CLSPN: variants seen among roughly 807,000 people sequenced by gnomAD.
CLSPN encodes claspin homolog.
In CLSPN, 85 loss-of-function variants were observed where a neutral mutation model predicts 156.3. The ratio of observed to expected loss-of-function variants is 0.54; its 90% CI spans 0.46 to 0.65. The LOEUF (loss-of-function observed/expected upper bound fraction) is 0.65. Among genes scored for constraint, CLSPN ranks in the 30% least tolerant of loss-of-function variants. The pLI is 0.00. For missense variants in CLSPN, 1,407 were observed against 1,554.9 expected, an observed-to-expected ratio of 0.90 and a Z score of 1.60; for synonymous variants, 534 against 542.4, an observed-to-expected ratio of 0.98 and a Z score of 0.22.
Position 35,736,981 on chromosome 1 carries a change from C to T in CLSPN, c.3842G>A (p.Arg1281Lys). Reference sequence around the variant, plus strand: ...AGAAAGTGTATGAAAGACAAAGTTTCTTGAATTTCGAGGAGCACTGGGGTT... The same window carrying T: ...AGAAAGTGTATGAAAGACAAAGTTTTTTGAATTTCGAGGAGCACTGGGGTT... ...DHNPSAPRNS[R>K]NFVFHTLSPV... Residue 1281 changes from arginine to lysine, a missense_variant, in exon 24 of 25, where the codon AGA (arginine) becomes AAA (lysine). Arg to Lys is a conservative substitution (Grantham distance 26). This residue lies in a region of CLSPN where 241 missense variants were observed against 240.5 expected (regional missense o/e 1.00). Coordinates refer to ENST00000318121, the MANE Select transcript of CLSPN (RefSeq NM_022111.4). 1 of 1,614,114 alleles carries T rather than the reference C, an allele frequency of 6.2e-7. No homozygotes were observed. The highest frequency in any genetic ancestry group is 8.5e-7 in the Non-Finnish European group (1 of 1,180,000).
chr1:35,748,736 A>G (rs1641980091), intron 12 of CLSPN, 132 bp from the exon 13 acceptor site: 1 of 702,062 alleles, frequency 1.4e-6, no homozygotes, highest in African/African-American at 1.8e-5. Flanking sequence ...GTTCCAAAAC[A>G]TTAAGTTAAA....
At chr1:35,724,406 G>C (rs546872214) in intron 24 of CLSPN, among the ~76,000 whole-genome samples, 46 of 152,350 alleles carry the variant, frequency 3.0e-4, no homozygotes, top group Admixed American at 2.6e-3. Flanking sequence ...GAGGCTAGAA[G>C]ATAAAGTTGG....
chr1:35,762,352 A>T, intron 5 of CLSPN, 52 bp downstream of exon 5: 1 of 1,380,118 alleles, frequency 7.2e-7, no homozygotes, highest in Non-Finnish European at 1.0e-6. Context: ...AGAAATCTAT[A>T]ATCTCCTGTG....
chr1:35,728,141 T>C (rs930745292), downstream of CLSPN, among the ~76,000 whole-genome samples: 1 of 147,480 alleles, frequency 6.8e-6, no homozygotes, highest in South Asian at 2.2e-4. Flanking sequence ...TGGAATGCAA[T>C]GCTGCAGTTT....
Position 35,760,885 on chromosome 1 carries a change from C to A in CLSPN, c.1036G>T (p.Glu346Ter). 2 of 1,612,358 alleles carry A rather than the reference C, an allele frequency of 1.2e-6. No homozygotes were observed. The highest frequency in any genetic ancestry group is 1.1e-5 in the South Asian group (1 of 90,904). ...GTAGTATTTGCAGTGTCTATGATTT[C>A]TTTGTGATGGCTTGACTGATATTTA... ...SSKYQSSHHK[E>*]IIDTANTTEM... Residue 346 changes from glutamate to a stop codon, truncating the protein, a stop_gained, in exon 8 of 25, where the codon GAA becomes TAA. Transcript: ENST00000318121. LOFTEE classifies it high-confidence loss of function.
Position 35,763,251 on chromosome 1 carries a change from C to A in CLSPN, c.653G>T (p.Gly218Val). ...TGGAGAGTTATTTTCATCCTCCAAC[C>A]CAGTTTCAAAAAGGTCTTTATCCAC... ...LLVDKDLFET[G>V]LEDENNSPLE... The change falls in exon 4 of 25, where the codon GGG becomes GTG. Residue 218 changes from glycine (G) to valine (V), a missense_variant. This residue lies in a region of CLSPN where 1,096 missense variants were observed against 1,193.0 expected (regional missense o/e 0.92). Coordinates refer to ENST00000318121, the MANE Select transcript of CLSPN (RefSeq NM_022111.4). The A allele has an allele frequency of 6.2e-7, 1 of 1,609,268 alleles. No individual in the cohort carries two copies. The highest frequency in any genetic ancestry group is 8.5e-7 in the Non-Finnish European group (1 of 1,178,594).
Position 35,739,086 on chromosome 1 carries a change from A to G in CLSPN, c.3430+50T>C, listed in dbSNP as rs372621634. 1.4e-5 allele frequency: 23 copies of G among 1,610,184 alleles called. No homozygotes were observed. In the East Asian group the frequency reaches 1.6e-4, roughly 11 times the overall value. On this transcript the variant is annotated intron_variant, in intron 20 of 24. Coordinates refer to ENST00000318121, the MANE Select transcript of CLSPN (RefSeq NM_022111.4). ...AGTGTTGGGATTACAGGCGTGAGCC[A>G]CCATGCTCAGCCCGTAACTGATTGC...
chr1:35,738,099 T>TTAAAA lies in CLSPN; in HGVS notation c.3559-3_3559-2insTTTTA. The TTAAAA allele has an allele frequency of 4.6e-5, 31 of 666,964 alleles. No individual in the cohort carries two copies. The highest frequency in any genetic ancestry group is 6.2e-5 in the Non-Finnish European group (31 of 497,038). The allele number at this position is 666,964 out of a possible 1,614,324, so 41.3% of individuals were successfully genotyped here. ...AGCTGTAATTTTCCCCTGCTGTGCC[T>TTAAAA]GAAAAAAAAAAAAAATATATATATA... On this transcript the variant is annotated splice_region_variant and splice_polypyrimidine_tract_variant and intron_variant, in intron 21 of 24. Transcript: ENST00000318121.
At chr1:35,752,206 AACAAG>A (rs368533942) in intron 9 of CLSPN, among the ~76,000 whole-genome samples, 29 of 152,308 alleles carry the variant, frequency 1.9e-4, no homozygotes, top group African/African-American at 6.7e-4. Context: ...AACTGGAACA[AACAAG>A]ACATCTGTCA....
At chr1:35,727,762 AC>A (rs1641227708), downstream of CLSPN, among the ~76,000 whole-genome samples, 1 of 152,176 alleles carries the variant, frequency 6.6e-6, no homozygotes. Context: ...TTTAATCCTC[AC>A]AACTGTGAAG....
Position 35,760,343 on chromosome 1 carries a change from T to A in CLSPN, c.1578A>T (p.Arg526Ser). The change falls in exon 8 of 25, where the codon AGA becomes AGT. Residue 526 changes from arginine to serine, a missense_variant and splice_region_variant. Arg to Ser is a moderately radical substitution (Grantham distance 110, BLOSUM62 -1). Transcript: ENST00000318121. ...GCTCCCCACAATGTAAAGGATTACC[T>A]CTGTTGGTTTCAGGTTCAAGTATCA... ...SFVILEPETN[R>S]ELEALKQRFW... The A allele has an allele frequency of 6.2e-7, 1 of 1,611,278 alleles. No individual in the cohort carries two copies. The highest frequency in any genetic ancestry group is 8.5e-7 in the Non-Finnish European group (1 of 1,178,148).
chr1:35,751,517 A>G lies in CLSPN; in HGVS notation c.1772-11T>C, dbSNP rs759087652. On this transcript the variant is annotated splice_polypyrimidine_tract_variant and intron_variant, in intron 9 of 24. Transcript: ENST00000318121. Reference sequence around the variant, plus strand: ...CCTGAAGCTTTTCACCTGAACAGAAATATGTAGAAATGCTTTAGACATAAT... The same window carrying G: ...CCTGAAGCTTTTCACCTGAACAGAAGTATGTAGAAATGCTTTAGACATAAT... 10 of 1,608,862 alleles carry G rather than the reference A, an allele frequency of 6.2e-6. No individual in the cohort carries two copies. Among genetic ancestry groups the G allele is most frequent in the Admixed American group, 1.7e-5 (1 of 58,746 alleles).
At chr1:35,760,287 C>A in intron 8 of CLSPN, 55 bp downstream of exon 8, 2 of 1,411,546 alleles carry the variant, frequency 1.4e-6, no homozygotes, top group Admixed American at 2.0e-5. Flanking sequence ...AGTCAATAAT[C>A]AAAAGCTACC....
Position 35,748,520 on chromosome 1 carries a change from T to G in CLSPN, c.2357A>C (p.Tyr786Ser). 1 of 1,614,180 alleles carries G rather than the reference T, an allele frequency of 6.2e-7. No homozygotes were observed. Among genetic ancestry groups the G allele is most frequent in the Non-Finnish European group, 8.5e-7 (1 of 1,180,008 alleles). ...GCCTGTTTGTCTGTTGCAAGGCTGA[T>G]AGGATGGAATCGTGGAGCCAATCAG... ...FELIGSTIPS[Y>S]QPCNRQTGRG... The change falls in exon 13 of 25, where the codon TAT becomes TCT. Residue 786 changes from tyrosine (Y) to serine (S), a missense_variant. Tyr to Ser is a moderately radical substitution (Grantham distance 144). This residue lies in a region of CLSPN where 1,096 missense variants were observed against 1,193.0 expected (regional missense o/e 0.92). Transcript: ENST00000318121.
At chr1:35,738,800 CTTTTTTTTTT>C (rs66781105) in intron 20 of CLSPN, among the ~76,000 whole-genome samples, 1 of 96,380 alleles carries the variant, frequency 1.0e-5, no homozygotes, top group African/African-American at 3.4e-5. Context: ...TAACTGTTTG[CTTTTTTTTTT>C]TTTTTTTTGA....
rs1426507255 is a variant in CLSPN, at chr1:35,748,260, A to T, written c.2472+145T>A. ...AGAATACTGGATGAAGCTTGTTTTTAATACACAAAGGGGGTGGATTTTTTA... is the reference window on the plus strand; with the variant it reads ...AGAATACTGGATGAAGCTTGTTTTTTATACACAAAGGGGGTGGATTTTTTA... On this transcript the variant is annotated intron_variant, in intron 13 of 24. Transcript: ENST00000318121. The T allele has an allele frequency of 3.1e-6, 3 of 969,098 alleles. No homozygotes were observed. The East Asian group carries it at 7.2e-5, about 23-fold the overall frequency. 60.0% of individuals were successfully genotyped at this position (969,098 alleles called of 1,614,324 possible). A position where few individuals can be genotyped will look rare whatever the true frequency, so the allele number is the denominator to read the frequency against.
At position 35,721,168 on chromosome 1, in the gene CLSPN, G is replaced by C. The variant is rs996514310; in HGVS notation, c.3910-188C>G. Among the ~76,000 whole-genome samples the C allele has an allele frequency of 9.9e-5, 15 of 152,260 alleles. No homozygotes were observed. The South Asian group carries it at 1.7e-3, about 17-fold the overall frequency. On this transcript the variant is annotated intron_variant, in intron 24 of 24. Coordinates refer to the CLSPN transcript ENST00000251195. Reference sequence around the variant, plus strand: ...AATGCTGATTACTACAATAGCACAAGGTGGTGACCCCAGGGTCTCTGGGTT... The same window carrying C: ...AATGCTGATTACTACAATAGCACAACGTGGTGACCCCAGGGTCTCTGGGTT...
chr1:35,727,190 G>A (rs1369094150), downstream of CLSPN, among the ~76,000 whole-genome samples: 1 of 152,242 alleles, frequency 6.6e-6, no homozygotes, highest in Non-Finnish European at 1.5e-5. Context: ...TGTGCTGGAT[G>A]TTTATTAAGA....
At chr1:35,748,817 G>GTTT in intron 12 of CLSPN, 2 of 346,966 alleles carry the variant, frequency 5.8e-6, no homozygotes, top group South Asian at 2.4e-5. Context: ...ACACTTGAAA[G>GTTT]TTCTTTTTTT....
Sources: allele counts gnomAD v4.1 joint callset (sites outside exome capture counted in the v4.1 genomes callset), GRCh38; gene constraint gnomAD v4.1.1; regional missense constraint gnomAD v4.1.1; transcripts MANE v1.5; gene names NCBI Gene and HGNC (gene_info 2026-07-23, HGNC 2026-07-21).